The following ANKDD1A variants were observed in gnomAD, a reference collection of about 807,000 sequenced individuals.
ANKDD1A encodes ankyrin repeat and death domain containing 1A.
A neutral mutation model predicts 63.5 loss-of-function variants in ANKDD1A; 59 were observed. The observed-to-expected ratio is 0.93, with a 90% confidence interval of 0.75 to 1.15. The LOEUF is 1.15. Among genes scored for constraint, ANKDD1A ranks in the 50% most tolerant of loss-of-function variants. ANKDD1A has a pLI of 0.00. For synonymous variants in ANKDD1A, 266 were observed against 263.9 expected (o/e 1.01, Z -0.08); for missense variants, 632 against 656.4 (o/e 0.96, Z 0.41).
At position 64,957,042 on chromosome 15, in the gene ANKDD1A, C is replaced by T. The variant is rs147762833; in HGVS notation, c.1484-61C>T. 924 of 446,902 alleles carry T rather than the reference C, an allele frequency of 2.1e-3. 10 individuals carry two copies. Among genetic ancestry groups the T allele is most frequent in the African/African-American group, 0.017 (860 of 49,234 alleles). The allele number at this position is 446,902 out of a possible 1,614,324, so 27.7% of individuals were successfully genotyped here. A position where few individuals can be genotyped will look rare whatever the true frequency, so the allele number is the denominator to read the frequency against. On this transcript the variant is annotated intron_variant, in intron 14 of 14. Transcript: ENST00000319580. ...TCTTACTCTAAATCTTTCTGAGCTA[C>T]ACTTTAAGGGTGATAATTGTTTTGT...
At chr15:64,954,240 TTC>T (rs1216131383) in intron 14 of ANKDD1A, among the ~76,000 whole-genome samples, 1 of 150,812 alleles carries the variant, frequency 6.6e-6, no homozygotes, top group Non-Finnish European at 1.5e-5. Flanking sequence ...CTCCTTCGTC[TTC>T]TTAGTTCTTT....
chr15:64,929,857 A>G (rs1326979757), intron 6 of ANKDD1A, among the ~76,000 whole-genome samples: 2 of 152,212 alleles, frequency 1.3e-5, no homozygotes, highest in African/African-American at 4.8e-5. Flanking sequence ...ATGCCCATCA[A>G]TGATAGACTG....
rs965507764 is a variant in ANKDD1A at position 64,915,848 on chromosome 15, G to T, written c.86G>T (p.Gly29Val). 6.2e-7 allele frequency: 1 copy of T among 1,614,064 alleles called. No homozygotes were observed. The highest frequency in any genetic ancestry group is 8.5e-7 in the Non-Finnish European group (1 of 1,179,986). Reference protein sequence around the residue: ...LHEAARQNNVGRMQELIGRRV... With the variant: ...LHEAARQNNVVRMQELIGRRV... The stretch of plus-strand genomic sequence containing the variant: ...GAGGCCGCCCGCCAGAACAATGTCG[G>T]CAGGATGCAGGAGCTGATTGGGAGG... Residue 29 changes from glycine to valine, a missense_variant, in exon 2 of 15, where the codon GGC (glycine) becomes GTC (valine). By Grantham distance (109) the Gly-to-Val change is moderately radical. Transcript: ENST00000319580.
chr15:64,937,682 T>C (rs1184726392), intron 9 of ANKDD1A, among the ~76,000 whole-genome samples: 1 of 152,080 alleles, frequency 6.6e-6, no homozygotes, highest in Non-Finnish European at 1.5e-5. Flanking sequence ...GAGCTGAGAT[T>C]GTGCCACTGT....
intron 14 of ANKDD1A, chr15:64,950,726 A>AGGGGGGGGG: frequency 1.9e-6 from 1 of 524,120 alleles, no homozygotes; most frequent in Non-Finnish European, 2.1e-6. Context: ...AAAAGAAAGG[A>AGGGGGGGGG]CCGCCCCCCC....
At chr15:64,952,582 TTTCTTCTTCTTCCTTCGTC>T (rs1283421352) in intron 14 of ANKDD1A, among the ~76,000 whole-genome samples, 22 of 96,208 alleles carry the variant, frequency 2.3e-4, no homozygotes, top group African/African-American at 7.3e-4. Flanking sequence ...TTCTCCTTCT[TTTCTTCTTCTTCCTTCGTC>T]TTCTTCTTCC....
intron 14 of ANKDD1A, among the ~76,000 whole-genome samples, chr15:64,951,881 TTCC>T (rs2085290720): frequency 7.2e-5 from 9 of 125,730 alleles, no homozygotes; most frequent in African/African-American, 2.4e-4. Flanking sequence ...TCTTTCTTCT[TTCC>T]TTCTTTCTTT....
At position 64,915,846 on chromosome 15, in the gene ANKDD1A, C is replaced by T. The variant is rs144255860; in HGVS notation, c.84C>T (p.Val28=). 15 of 1,613,944 alleles carry T rather than the reference C, an allele frequency of 9.3e-6. No individual in the cohort carries two copies. Among genetic ancestry groups the T allele is most frequent in the East Asian group, 8.9e-5 (4 of 44,892 alleles). Residue 28 remains valine (V), a synonymous_variant, in exon 2 of 15, where the codon GTC becomes GTT. Transcript: ENST00000319580. ...ACGAGGCCGCCCGCCAGAACAATGT[C>T]GGCAGGATGCAGGAGCTGATTGGGA... ...QLHEAARQNN[V]GRMQELIGRR...
chr15:64,942,090 G>C (rs1001393473), intron 9 of ANKDD1A, among the ~76,000 whole-genome samples: 2 of 152,114 alleles, frequency 1.3e-5, no homozygotes, highest in Non-Finnish European at 1.5e-5. Flanking sequence ...TACTTCCTAG[G>C]TTGATGTGTG....
At chr15:64,912,590 CTG>C (rs1400439762) in intron 1 of ANKDD1A, among the ~76,000 whole-genome samples, 1 of 152,232 alleles carries the variant, frequency 6.6e-6, no homozygotes, top group African/African-American at 2.4e-5. Flanking sequence ...GCAGCAGCGT[CTG>C]TGTGGGCATC....
At chr15:64,931,840 T>C in intron 8 of ANKDD1A, 1 of 592,750 alleles carries the variant, frequency 1.7e-6, no homozygotes, top group Non-Finnish European at 3.0e-6. Context: ...ATTAAATACC[T>C]AACACAGTGC....
Position 64,953,582 on chromosome 15 carries a change from C to CT in ANKDD1A, c.1484-3519dup, listed in dbSNP as rs2085348036. 7.7e-5 allele frequency among the ~76,000 whole-genome samples: 6 copies of CT among 78,394 alleles called. No homozygotes were observed. In the South Asian group the frequency reaches 1.2e-3, roughly 16 times the overall value. 51.4% of individuals were successfully genotyped at this position (78,394 alleles called of 152,430 possible). On this transcript the variant is annotated intron_variant, in intron 14 of 14. Coordinates refer to ENST00000319580, the MANE Select transcript of ANKDD1A (RefSeq NM_182703.6). The stretch of plus-strand genomic sequence containing the variant: ...TTCTTCCTCCTTCTTCTTAGTTCTT[C>CT]TTCTTCCTTCTCCTTTTCTTCTTTC...
At chr15:64,930,964 G>T (rs1194814962) in intron 7 of ANKDD1A, 44 bp downstream of exon 7, 1 of 1,586,062 alleles carries the variant, frequency 6.3e-7, no homozygotes, top group South Asian at 1.1e-5. Context: ...ACCCTTGCTT[G>T]CTCTCTGCCT....
intron 14 of ANKDD1A, among the ~76,000 whole-genome samples, chr15:64,956,863 TCTTAAAA>T (rs1413059243): frequency 6.6e-6 from 1 of 152,194 alleles, no homozygotes; most frequent in Non-Finnish European, 1.5e-5. Flanking sequence ...ATTTTTGGAT[TCTTAAAA>T]CTTAAGAAAA....
chr15:64,951,324 T>TCTTCTTCTTCTTTC (rs1491463554), intron 14 of ANKDD1A: 1 of 704,996 alleles, frequency 1.4e-6, no homozygotes, highest in African/African-American at 5.1e-5. Context: ...TTCTTTCTTC[T>TCTTCTTCTTCTTTC]TTCCTCTTTT....
Position 64,947,529 on chromosome 15 carries a change from G to A in ANKDD1A, c.1287G>A (p.Lys429=). Residue 429 remains lysine (K), a synonymous_variant, in exon 13 of 15, where the codon AAG becomes AAA. Coordinates refer to ENST00000319580, the MANE Select transcript of ANKDD1A (RefSeq NM_182703.6). ...GGTATCTGCAGCCCCGTGAGTGGAAGAAGCTGGCATATTCCTGGGAGTTCA... is the reference window on the plus strand; with the variant it reads ...GGTATCTGCAGCCCCGTGAGTGGAAAAAGCTGGCATATTCCTGGGAGTTCA... The part of the protein sequence containing the change: ...ASRYLQPREW[K]KLAYSWEFTE... The A allele has an allele frequency of 1.2e-6, 2 of 1,614,174 alleles. No homozygotes were observed. The highest frequency in any genetic ancestry group is 1.1e-5 in the South Asian group (1 of 91,074).
rs535061475 is a variant in ANKDD1A at position 64,931,693 on chromosome 15, G to A, written c.768+108G>A. On this transcript the variant is annotated intron_variant, in intron 8 of 14. Coordinates refer to ENST00000319580, the MANE Select transcript of ANKDD1A (RefSeq NM_182703.6). ...TGAACCCTGAGTGAATAGAGGCTTC[G>A]AGGCAGCAGACAAGGTTCTGATCTT... is the stretch of plus-strand genomic sequence containing the variant. 281 of 1,205,776 alleles carry A rather than the reference G, an allele frequency of 2.3e-4. 1 individual carries two copies. In the African/African-American group the frequency reaches 3.7e-3, roughly 16 times the overall value. 74.7% of individuals were successfully genotyped at this position (1,205,776 alleles called of 1,614,324 possible).
rs2084963559 is a variant in ANKDD1A at position 64,915,695 on chromosome 15, C to T, written c.35-102C>T. 4.0e-6 allele frequency: 4 copies of T among 990,222 alleles called. No homozygotes were observed. The African/African-American group carries it at 4.8e-5, about 12-fold the overall frequency. The allele number at this position is 990,222 out of a possible 1,614,324, so 61.3% of individuals were successfully genotyped here. ...GCCCCTGTTCCTAGCTGAAAGACCCCTGCTCCAGAAATGTTCAGGAGTGGA... is the reference window on the plus strand; with the variant it reads ...GCCCCTGTTCCTAGCTGAAAGACCCTTGCTCCAGAAATGTTCAGGAGTGGA... On this transcript the variant is annotated intron_variant, in intron 1 of 14. Coordinates refer to ENST00000319580, the MANE Select transcript of ANKDD1A (RefSeq NM_182703.6).
chr15:64,952,447 TTC>T (rs1438994082), intron 14 of ANKDD1A, among the ~76,000 whole-genome samples: 4 of 150,250 alleles, frequency 2.7e-5, no homozygotes, highest in Non-Finnish European at 4.4e-5. Context: ...TCCTTTCTTC[TTC>T]TTAGTTCTTC....
Sources: gnomAD v4.1 joint callset for allele counts (sites outside exome capture counted in the v4.1 genomes callset) on GRCh38, gnomAD v4.1.1 for gene constraint, MANE v1.5 for transcripts, NCBI Gene and HGNC (gene_info 2026-07-23, HGNC 2026-07-21) for gene names.